The following STAB1 variants were observed in gnomAD, a reference collection of about 807,000 sequenced individuals.
STAB1 encodes stabilin 1.
Under a neutral mutation model 332.4 loss-of-function variants are expected in STAB1, and 250 were observed. The ratio of observed to expected loss-of-function variants is 0.75; its 90% CI spans 0.68 to 0.84. The LOEUF is 0.84. STAB1 is among the 40% of genes least tolerant of loss of function. The pLI is 0.00. For synonymous variants in STAB1, 1,475 were observed against 1,390.4 expected (o/e 1.06, Z -1.35); for missense variants, 3,249 against 3,489.7 (o/e 0.93, Z 1.74).
In STAB1 at chr3:52,517,010, G is replaced by A; in HGVS notation, c.4390G>A (p.Gly1464Arg). The change falls in exon 42 of 69, where the codon GGG (glycine) becomes AGG (arginine). Residue 1464 changes from glycine to arginine, a missense_variant. Coordinates refer to ENST00000321725, the MANE Select transcript of STAB1 (RefSeq NM_015136.3). ...SEVDPCAHGH[G>R]GCSPHANCTK... ...GGTGGACCCCTGCGCCCACGGCCAT[G>A]GGGGCTGCTCCCCTCATGCCAACTG... 6.2e-7 allele frequency: 1 copy of A among 1,609,560 alleles called. No homozygotes were observed. The highest frequency in any genetic ancestry group is 8.5e-7 in the Non-Finnish European group (1 of 1,178,488).
chr3:52,513,186 A>C lies in STAB1; in HGVS notation c.3215A>C (p.Gln1072Pro). Residue 1072 changes from glutamine to proline, a missense_variant, in exon 30 of 69, where the codon CAG becomes CCG. Transcript: ENST00000321725. The part of the protein sequence containing the change: ...FEEELARLGG[Q>P]EVATLNPTTR... ...GAGGAGCTGGCCCGGCTGGGTGGGC[A>C]GGAAGTGGCCACCCTGAACCCCACC... The C allele has an allele frequency of 6.3e-7, 1 of 1,586,870 alleles. No individual in the cohort carries two copies. The highest frequency in any genetic ancestry group is 1.2e-5 in the South Asian group (1 of 86,738).
At chr3:52,497,668 C>A (rs1200841524) in intron 1 of STAB1, among the ~76,000 whole-genome samples, 3 of 152,078 alleles carry the variant, frequency 2.0e-5, no homozygotes, top group Non-Finnish European at 2.9e-5. Context: ...CCTCTTCGGC[C>A]TCCCAAAGTG....
In STAB1 at chr3:52,513,131, G is replaced by T; in HGVS notation, c.3160G>T (p.Ala1054Ser). ...CCCCCCTAAACTGTGCCCTGTCAGG[G>T]CCCATTTTCTCCAGGGTGCCCTCTT... ...QPRTLPNLVR[A>S]HFLQGALFEE... The change falls in exon 30 of 69, where the codon GCC (alanine) becomes TCC (serine). Residue 1054 changes from alanine to serine, a missense_variant and splice_region_variant. Physicochemically the swap from Ala to Ser is moderately conservative, Grantham distance 99 (BLOSUM62 1). Transcript: ENST00000321725. 6.4e-7 allele frequency: 1 copy of T among 1,564,834 alleles called. No individual in the cohort carries two copies. The highest frequency in any genetic ancestry group is 8.7e-7 in the Non-Finnish European group (1 of 1,154,404).
chr3:52,505,214 G>A (rs1222228234), intron 13 of STAB1, 71 bp downstream of exon 13: 2 of 1,604,122 alleles, frequency 1.2e-6, no homozygotes, highest in Non-Finnish European at 1.7e-6. Context: ...AGAGCAGTGA[G>A]TGGGCAGGAG....
chr3:52,519,728 C>T, intron 50 of STAB1, 164 bp downstream of exon 50: 13 of 1,209,836 alleles, frequency 1.1e-5, no homozygotes, highest in South Asian at 1.5e-5. Context: ...TGCATGTGCA[C>T]CCCAGGTTGA....
rs750844808 is a variant in STAB1 at position 52,502,236 on chromosome 3, C to T, written c.487+8C>T. Reference sequence around the variant, plus strand: ...GGCCTGACTGCCAATCGGGTGAGTGCTTAAAAGGCAAGAGGGCACGGCCAG... The same window carrying T: ...GGCCTGACTGCCAATCGGGTGAGTGTTTAAAAGGCAAGAGGGCACGGCCAG... On this transcript the variant is annotated splice_region_variant and intron_variant, in intron 5 of 68. Transcript: ENST00000321725. 1.2e-6 allele frequency: 2 copies of T among 1,610,084 alleles called. No individual in the cohort carries two copies. Among genetic ancestry groups the T allele is most frequent in the South Asian group, 1.1e-5 (1 of 91,042 alleles).
At chr3:52,514,342 TG>T in intron 33 of STAB1, 22 bp from the exon 34 acceptor site, 1 of 1,550,548 alleles carries the variant, frequency 6.4e-7, no homozygotes, top group Non-Finnish European at 8.7e-7. Flanking sequence ...TGCAGTCCCC[TG>T]GGTTCTCTCC....
chr3:52,503,730 G>C, intron 8 of STAB1, 42 bp from the exon 9 acceptor site: 1 of 1,611,008 alleles, frequency 6.2e-7, no homozygotes, highest in South Asian at 1.1e-5. Flanking sequence ...GTGGTTCTTG[G>C]GGTTGGACGT....
In STAB1 at chr3:52,506,793, G is replaced by A. The variant is rs141322414; in HGVS notation, c.1932G>A (p.Pro644=). The change falls in exon 18 of 69, where the codon CCG becomes CCA. Residue 644 remains proline (P), a synonymous_variant. Coordinates refer to ENST00000321725, the MANE Select transcript of STAB1 (RefSeq NM_015136.3). ...TGCTGGACGGCATCCTGCTGCCCCC[G>A]ACCATCCTGCCCATCCTGCCCAAGC... ...IHMLDGILLP[P]TILPILPKHC... is the part of the protein sequence containing the mutation. The A allele has an allele frequency of 6.1e-3, 9,814 of 1,613,174 alleles. 73 individuals are homozygous for A. The highest frequency in any genetic ancestry group is 0.025 in the South Asian group (2,236 of 91,078).
At position 52,516,388 on chromosome 3, in the gene STAB1, G is replaced by T. The variant is rs749963984; in HGVS notation, c.4177G>T (p.Gly1393Trp). The T allele has an allele frequency of 6.2e-7, 1 of 1,609,904 alleles. No individual in the cohort carries two copies. Among genetic ancestry groups the T allele is most frequent in the Non-Finnish European group, 8.5e-7 (1 of 1,177,154 alleles). The part of the protein sequence containing the change: ...CDCAHGLCQE[G>W]LQGDGSCVCN... ...CTGTGCCCATGGGCTGTGCCAGGAG[G>T]GGCTGCAAGGGGACGGAAGCTGTGT... Residue 1393 changes from glycine to tryptophan, a missense_variant, in exon 39 of 69, where the codon GGG (glycine) becomes TGG (tryptophan). Coordinates refer to ENST00000321725, the MANE Select transcript of STAB1 (RefSeq NM_015136.3).
chr3:52,495,401 G>C lies in STAB1; in HGVS notation c.-13G>C, dbSNP rs372529122. ...ACGCCCCGACTCTGTCCTGGACAGC[G>C]TGCCCACCAGCCATGGCGGGGCCCC... On this transcript the variant is annotated 5_prime_UTR_variant, in exon 1 of 69. Coordinates refer to ENST00000321725, the MANE Select transcript of STAB1 (RefSeq NM_015136.3). 7.5e-7 allele frequency: 1 copy of C among 1,335,654 alleles called. No homozygotes were observed. The highest frequency in any genetic ancestry group is 2.8e-5 in the East Asian group (1 of 35,868). 82.7% of individuals were successfully genotyped at this position (1,335,654 alleles called of 1,614,324 possible). A position where few individuals can be genotyped will look rare whatever the true frequency, so the allele number is the denominator to read the frequency against.
In STAB1 at chr3:52,523,429, G is replaced by A. The variant is rs116423614; in HGVS notation, c.7143G>A (p.Thr2381=). 0.031 allele frequency: 50,173 copies of A among 1,608,432 alleles called. 926 individuals carry two copies. Among genetic ancestry groups the A allele is most frequent in the Middle Eastern group, 0.062 (373 of 6,052 alleles). ...PVNEGFVDNM[T]LSGPDLELHA... ...AACAGGCCTTGCTCTGCTCACAGAC[G>A]CTGAGTGGCCCAGACTTGGAGCTGC... The change falls in exon 65 of 69, where the codon ACG becomes ACA. Residue 2381 remains threonine, a splice_region_variant and synonymous_variant. Transcript: ENST00000321725.
At chr3:52,499,967 G>C in intron 1 of STAB1, among the ~76,000 whole-genome samples, 1 of 149,286 alleles carries the variant, frequency 6.7e-6, no homozygotes, top group East Asian at 2.0e-4. Context: ...CAGCTACTCG[G>C]GAGGCTGAGG....
chr3:52,518,257 C>T, intron 45 of STAB1, 55 bp from the exon 46 acceptor site: 2 of 1,605,518 alleles, frequency 1.2e-6, no homozygotes, highest in South Asian at 2.2e-5. Context: ...CTGGGACAGG[C>T]ACCAGGCCCT....
chr3:52,508,560 G>A (rs533995631), intron 21 of STAB1: 10 of 611,726 alleles, frequency 1.6e-5, no homozygotes, highest in African/African-American at 1.5e-4. Flanking sequence ...AATGTCTCAT[G>A]CCTGTAATCC....
In STAB1 at chr3:52,501,990, C is replaced by T; in HGVS notation, c.332-16C>T. On this transcript the variant is annotated splice_polypyrimidine_tract_variant and intron_variant, in intron 3 of 68. Coordinates refer to ENST00000321725, the MANE Select transcript of STAB1 (RefSeq NM_015136.3). ...AGGGTTCTGGGCACAGAGCTGAGTA[C>T]TGTGGGGGTCCACAGAATGCCCTGG... 1 of 1,611,394 alleles carries T rather than the reference C, an allele frequency of 6.2e-7. No individual in the cohort carries two copies. The highest frequency in any genetic ancestry group is 8.5e-7 in the Non-Finnish European group (1 of 1,179,852).
rs2079159725 is a variant in STAB1, at chr3:52,523,679, ATCAT to A, written c.7320_7323del (p.Ile2440MetfsTer159). ...CCCAGGGACAGTTGTGGTTAGCCGT[ATCAT>A]TGTGTGGGACATCATGGCCTTCAAT... On this transcript the variant is annotated frameshift_variant, in exon 66 of 69. Transcript: ENST00000321725. LOFTEE classifies it high-confidence loss of function. The A allele has an allele frequency of 6.2e-7, 1 of 1,612,652 alleles. No homozygotes were observed. Among genetic ancestry groups the A allele is most frequent in the African/African-American group, 1.3e-5 (1 of 74,922 alleles).
chr3:52,520,065 A>T lies in STAB1; in HGVS notation c.5357A>T (p.Asp1786Val). The T allele has an allele frequency of 1.2e-6, 2 of 1,612,062 alleles. No individual in the cohort carries two copies. Among genetic ancestry groups the T allele is most frequent in the Non-Finnish European group, 1.7e-6 (2 of 1,179,600 alleles). Residue 1786 changes from aspartate (D) to valine (V), a missense_variant, in exon 51 of 69, where the codon GAC becomes GTC. Transcript: ENST00000321725. ...PDRQAWLYHEDHRDKLAAILR... is the reference protein window; with the variant it reads ...PDRQAWLYHEVHRDKLAAILR... ...CGCCAGGCCTGGCTGTACCATGAGG[A>T]CCACCGTGACAAGCTAGCAGCCATT...
Position 52,506,227 on chromosome 3 carries a change from C to A in STAB1, c.1807C>A (p.Leu603Met). The change falls in exon 17 of 69, where the codon CTG (leucine) becomes ATG (methionine). Residue 603 changes from leucine to methionine, a missense_variant. By Grantham distance (15) the Leu-to-Met change is conservative. Coordinates refer to ENST00000321725, the MANE Select transcript of STAB1 (RefSeq NM_015136.3). The part of the protein sequence containing the change: ...GRILTMANQV[L>M]AVNISEEGRI... ...GATCCTCACCATGGCGAACCAGGTC[C>A]TGGCTGTGAACATTTCTGAGGAGGT... The A allele has an allele frequency of 6.2e-7, 1 of 1,612,852 alleles. No homozygotes were observed. Among genetic ancestry groups the A allele is most frequent in the South Asian group, 1.1e-5 (1 of 90,740 alleles).
Sources: gnomAD v4.1 joint callset for allele counts (sites outside exome capture counted in the v4.1 genomes callset) on GRCh38, gnomAD v4.1.1 for gene constraint, MANE v1.5 for transcripts, NCBI Gene and HGNC (gene_info 2026-07-23, HGNC 2026-07-21) for gene names.